The following MPDZ variants were observed in gnomAD, a reference collection of about 807,000 sequenced individuals.
The protein encoded by MPDZ is multiple PDZ domain protein.
In MPDZ, 234 loss-of-function variants were observed where a neutral mutation model predicts 239.1. The observed-to-expected ratio is 0.98, with a 90% CI of 0.88 to 1.09. MPDZ has a LOEUF of 1.09. MPDZ is among the 50% of genes least tolerant of loss of function. MPDZ has a pLI of 0.00. For missense variants in MPDZ, 3,175 were observed against 2,510.0 expected (o/e 1.26, Z -5.66); for synonymous variants, 1,048 against 881.3 (o/e 1.19, Z -3.35).
At chr9:13,137,898 G>A (rs1947068077) in intron 29 of MPDZ, 59 bp downstream of exon 29, 2 of 1,531,220 alleles carry the variant, frequency 1.3e-6, no homozygotes, top group Non-Finnish European at 1.8e-6. Context: ...TCTGGAAACT[G>A]ACAGTTCCAT....
At chr9:13,272,663 G>A (rs1481075641) in intron 1 of MPDZ, among the ~76,000 whole-genome samples, 2 of 126,446 alleles carry the variant, frequency 1.6e-5, no homozygotes, top group Non-Finnish European at 3.2e-5. Flanking sequence ...AGGCGTTCAA[G>A]ACCAGCCAGG....
chr9:13,136,028 A>G, intron 31 of MPDZ, 64 bp downstream of exon 31: 2 of 1,097,470 alleles, frequency 1.8e-6, no homozygotes, highest in Non-Finnish European at 1.4e-6. Context: ...GTAATTGTTG[A>G]TTGAATTAAT....
intron 3 of MPDZ, among the ~76,000 whole-genome samples, chr9:13,238,859 T>C (rs1050665091): frequency 1.3e-5 from 2 of 152,170 alleles, no homozygotes; most frequent in African/African-American, 4.8e-5. Flanking sequence ...ACATTAAATA[T>C]ATGTGCAAAA....
At chr9:13,168,836 G>A (rs1426343031) in intron 21 of MPDZ, among the ~76,000 whole-genome samples, 1 of 152,130 alleles carries the variant, frequency 6.6e-6, no homozygotes, top group African/African-American at 2.4e-5. Flanking sequence ...GTGATGTGCT[G>A]ACCCCTTGAA....
At chr9:13,154,198 A>C (rs958492720) in intron 24 of MPDZ, among the ~76,000 whole-genome samples, 1 of 152,138 alleles carries the variant, frequency 6.6e-6, no homozygotes, top group Non-Finnish European at 1.5e-5. Flanking sequence ...TCAAAGACAG[A>C]ACTGCCAAAA....
rs58374268 is a variant in MPDZ, at chr9:13,160,830, TTATATATATATATATATATATATATATA to T, written c.3359+1833_3359+1860del. ...CTTTTTTTTCTTGTCATTATTAAAA[TTATATATATATATATATATATATATATA>T]TATATATATATAAAACAGGTACTTA... On this transcript the variant is annotated intron_variant, in intron 23 of 46. Coordinates refer to ENST00000319217, the MANE Select transcript of MPDZ (RefSeq NM_001378778.1). Among the ~76,000 whole-genome samples, 19 of 37,990 alleles carry T rather than the reference TTATATATATATATATATATATATATATA, an allele frequency of 5.0e-4. No individual in the cohort carries two copies. In the East Asian group the frequency reaches 6.0e-3, roughly 12 times the overall value. The allele number at this position is 37,990 out of a possible 152,430, so 24.9% of individuals were successfully genotyped here.
Position 13,120,941 on chromosome 9 carries a change from G to A in MPDZ, c.5231+798C>T, listed in dbSNP as rs1338436743. 2.6e-5 allele frequency among the ~76,000 whole-genome samples: 4 copies of A among 152,144 alleles called. No individual in the cohort carries two copies. In the East Asian group the frequency reaches 7.7e-4, roughly 29 times the overall value. On this transcript the variant is annotated intron_variant, in intron 38 of 46. Coordinates refer to ENST00000319217, the MANE Select transcript of MPDZ (RefSeq NM_001378778.1). ...GCTGACTTCACAAGTTTAGCTATCT[G>A]GTAGATTCTGAGATCAGATCCAGAT...
chr9:13,276,811 T>C (rs900533954), intron 1 of MPDZ: 1 of 152,206 alleles, frequency 6.6e-6, no homozygotes, highest in African/African-American at 2.4e-5. Flanking sequence ...GGATGTAATC[T>C]GGAGAAAATA....
At chr9:13,110,967 GAGA>G (rs1400444604) in intron 43 of MPDZ, among the ~76,000 whole-genome samples, 3 of 152,184 alleles carry the variant, frequency 2.0e-5, no homozygotes, top group Non-Finnish European at 1.5e-5. Context: ...GAGAGGGAGG[GAGA>G]AGGAGAAAGT....
chr9:13,250,435 C>T, intron 1 of MPDZ, 63 bp from the exon 2 acceptor site: 1 of 829,766 alleles, frequency 1.2e-6, no homozygotes, highest in Non-Finnish European at 1.9e-6. Flanking sequence ...AAGCTATATA[C>T]TCTGAAGAAC....
At chr9:13,226,175 A>G (rs141038479) in intron 3 of MPDZ, among the ~76,000 whole-genome samples, 1 of 152,094 alleles carries the variant, frequency 6.6e-6, no homozygotes, top group African/African-American at 2.4e-5. Flanking sequence ...CTGTGCCCTC[A>G]AATCGTGCTG....
rs139932623 is a variant in MPDZ, at chr9:13,254,733, C to A, written c.-57-4361G>T. 1.3e-3 allele frequency among the ~76,000 whole-genome samples: 200 copies of A among 152,212 alleles called. 1 individual carries two copies. The highest frequency in any genetic ancestry group is 4.6e-3 in the African/African-American group (190 of 41,524). Reference sequence around the variant, plus strand: ...ACTACACTGTAGTCTATTAAATGTGCAGTAGCATTATGTCTAGGAAAACAA... The same window carrying A: ...ACTACACTGTAGTCTATTAAATGTGAAGTAGCATTATGTCTAGGAAAACAA... On this transcript the variant is annotated intron_variant, in intron 1 of 46. Coordinates refer to ENST00000319217, the MANE Select transcript of MPDZ (RefSeq NM_001378778.1).
At chr9:13,235,756 A>C (rs1963774867) in intron 3 of MPDZ, among the ~76,000 whole-genome samples, 1 of 152,204 alleles carries the variant, frequency 6.6e-6, no homozygotes, top group Non-Finnish European at 1.5e-5. Context: ...GCCCCTATAT[A>C]GGTACAAAGC....
chr9:13,135,227 C>A (rs1035183625), intron 31 of MPDZ: 4 of 152,164 alleles, frequency 2.6e-5, no homozygotes, highest in African/African-American at 9.7e-5. Flanking sequence ...ATCTGAAAAC[C>A]TTGTATATCC....
At chr9:13,223,462 T>C in intron 5 of MPDZ, 109 bp downstream of exon 5, 4 of 1,290,372 alleles carry the variant, frequency 3.1e-6, no homozygotes, top group South Asian at 2.0e-5. Context: ...TAACAGATTA[T>C]GTTCAATTTT....
chr9:13,164,125 T>C (rs567743939), intron 22 of MPDZ, among the ~76,000 whole-genome samples: 4 of 152,306 alleles, frequency 2.6e-5, no homozygotes, highest in African/African-American at 9.6e-5. Flanking sequence ...ACTGATCACT[T>C]GGGCAGAATA....
chr9:13,197,527 T>G (rs531512663), intron 12 of MPDZ, among the ~76,000 whole-genome samples: 2 of 152,182 alleles, frequency 1.3e-5, no homozygotes, highest in Non-Finnish European at 2.9e-5. Context: ...GATATTTTGA[T>G]ACATGTATAT....
At chr9:13,240,142 T>C (rs1965026373) in intron 3 of MPDZ, among the ~76,000 whole-genome samples, 1 of 152,068 alleles carries the variant, frequency 6.6e-6, no homozygotes, top group Non-Finnish European at 1.5e-5. Flanking sequence ...GCAGTGTTTT[T>C]CCTATCAGTC....
chr9:13,225,811 T>C (rs770115513), intron 3 of MPDZ, among the ~76,000 whole-genome samples: 2 of 152,054 alleles, frequency 1.3e-5, no homozygotes, highest in South Asian at 2.1e-4. Flanking sequence ...CTGTACTCTA[T>C]ACATATTGTC....
Sources: gnomAD v4.1 joint callset for allele counts (sites outside exome capture counted in the v4.1 genomes callset) on GRCh38, gnomAD v4.1.1 for gene constraint, MANE v1.5 for transcripts, NCBI Gene and HGNC (gene_info 2026-07-23, HGNC 2026-07-21) for gene names.